VWA8: variants seen among roughly 807,000 people sequenced by gnomAD.
VWA8 encodes von Willebrand factor A domain-containing protein 8.
In VWA8, 221 loss-of-function variants were observed where a neutral mutation model predicts 241.5. The ratio of observed to expected loss-of-function variants is 0.91; its 90% CI spans 0.82 to 1.02. The LOEUF (loss-of-function observed/expected upper bound fraction) is 1.02. VWA8 is among the 50% of genes least tolerant of loss of function. The pLI, the probability that VWA8 is intolerant of heterozygous loss-of-function variation, is 0.00. For missense variants in VWA8, 2,322 were observed against 2,328.7 expected, an observed-to-expected ratio of 1.00 and a Z score of 0.06; for synonymous variants, 852 against 827.1, an observed-to-expected ratio of 1.03 and a Z score of -0.52.
intron 2 of VWA8, among the ~76,000 whole-genome samples, chr13:41,941,402 C>T (rs1020203526): frequency 1.1e-4 from 17 of 152,316 alleles, no homozygotes; most frequent in Non-Finnish European, 1.5e-5. Flanking sequence ...AATGACAATG[C>T]TTCACGTCTA....
chr13:41,941,392 A>C (rs1251539500), intron 2 of VWA8, among the ~76,000 whole-genome samples: 1 of 152,216 alleles, frequency 6.6e-6, no homozygotes, highest in Non-Finnish European at 1.5e-5. Flanking sequence ...GCTATCAGGC[A>C]ATGACAATGC....
chr13:41,729,687 C>G lies in VWA8; in HGVS notation c.2503-10G>C. ...ACTTTACTGCTTTAACCTTTGACGACAGAAAATTTATCATAAACAATTAAA... is the reference window on the plus strand; with the variant it reads ...ACTTTACTGCTTTAACCTTTGACGAGAGAAAATTTATCATAAACAATTAAA... On this transcript the variant is annotated splice_polypyrimidine_tract_variant and intron_variant, in intron 22 of 44. Transcript: ENST00000379310. 6.2e-7 allele frequency: 1 copy of G among 1,600,462 alleles called. No homozygotes were observed.
At position 41,675,282 on chromosome 13, in the gene VWA8, G is replaced by A. The variant is rs1421549226; in HGVS notation, c.4342C>T (p.Gln1448Ter). Residue 1448 changes from glutamine (Q) to a stop codon, truncating the protein, a stop_gained, in exon 36 of 45, where the codon CAA becomes TAA. Transcript: ENST00000379310. LOFTEE classifies it high-confidence loss of function. Reference protein sequence around the residue: ...DIYPKDVTPPQTSGYIEVTDL... With the variant: ...DIYPKDVTPP ...GTGACTTCTATATAACCAGATGTTT[G>A]TGGAGGAGTAACATCTACAAACAAG... is the stretch of plus-strand genomic sequence containing the variant. 6 of 1,612,346 alleles carry A rather than the reference G, an allele frequency of 3.7e-6. No homozygotes were observed. Among genetic ancestry groups the A allele is most frequent in the Non-Finnish European group, 5.1e-6 (6 of 1,178,856 alleles).
rs1014821430 is a variant in VWA8, at chr13:41,849,024, C to T, written c.1426-15493G>A. On this transcript the variant is annotated intron_variant, in intron 12 of 44. Transcript: ENST00000379310. ...TACTTCAACTCCACATTCCTGGAGG[C>T]ATGAGTTGAGCTCTGTAAAAGATTG... Among the ~76,000 whole-genome samples, 6 of 152,342 alleles carry T rather than the reference C, an allele frequency of 3.9e-5. No individual in the cohort carries two copies. In the East Asian group the frequency reaches 1.2e-3, roughly 29 times the overall value.
At chr13:41,679,600 C>G (rs2045083652) in intron 35 of VWA8, among the ~76,000 whole-genome samples, 1 of 151,948 alleles carries the variant, frequency 6.6e-6, no homozygotes, top group African/African-American at 2.4e-5. Context: ...TGGAAGAAAG[C>G]AATAAATTTC....
chr13:41,720,002 T>C (rs1382521244), intron 25 of VWA8, among the ~76,000 whole-genome samples: 1 of 152,014 alleles, frequency 6.6e-6, no homozygotes, highest in African/African-American at 2.4e-5. Context: ...GAGCAGTGCC[T>C]AGATCCTGGT....
Position 41,790,709 on chromosome 13 carries a change from G to A in VWA8, c.2064-3166C>T, listed in dbSNP as rs1008219335. On this transcript the variant is annotated intron_variant, in intron 17 of 44. Coordinates refer to ENST00000379310, the MANE Select transcript of VWA8 (RefSeq NM_015058.2). ...TCTAATTAATTTTTCTACAATAAAA[G>A]TATTTTTGGAATGCAAATTACTTGA... Among the ~76,000 whole-genome samples the A allele has an allele frequency of 2.0e-5, 3 of 151,910 alleles. No individual in the cohort carries two copies. The South Asian group carries it at 6.2e-4, about 31-fold the overall frequency.
At chr13:41,783,982 C>T in intron 18 of VWA8, 81 bp from the exon 19 acceptor site, 1 of 947,680 alleles carries the variant, frequency 1.1e-6, no homozygotes, top group Non-Finnish European at 1.7e-6. Context: ...GAATGCAATA[C>T]AGCTTCAGTA....
chr13:41,816,445 C>T lies in VWA8; in HGVS notation c.1947+253G>A, dbSNP rs141230764. Among the ~76,000 whole-genome samples the T allele has an allele frequency of 1.6e-3, 241 of 152,234 alleles. 1 individual carries two copies. The highest frequency in any genetic ancestry group is 5.3e-3 in the African/African-American group (221 of 41,534). On this transcript the variant is annotated intron_variant, in intron 16 of 44. Coordinates refer to ENST00000379310, the MANE Select transcript of VWA8 (RefSeq NM_015058.2). ...AGCATAGGAGACAGAGGGGACAGAG[C>T]AGAACCCCCATGAACATGAAGTACT...
chr13:41,659,891 C>G (rs1348250146), intron 37 of VWA8, among the ~76,000 whole-genome samples: 2 of 152,172 alleles, frequency 1.3e-5, no homozygotes, highest in Non-Finnish European at 2.9e-5. Flanking sequence ...GTTAAGCAAG[C>G]ATATGAAATG....
rs1566410866 is a variant in VWA8 at position 41,675,284 on chromosome 13, G to A, written c.4340C>T (p.Pro1447Leu). 1 of 1,611,282 alleles carries A rather than the reference G, an allele frequency of 6.2e-7. No individual in the cohort carries two copies. ...GACTTCTATATAACCAGATGTTTGT[G>A]GAGGAGTAACATCTACAAACAAGTC... ...KDIYPKDVTP[P>L]QTSGYIEVTD... The change falls in exon 36 of 45, where the codon CCA becomes CTA. Residue 1447 changes from proline (P) to leucine (L), a missense_variant. Transcript: ENST00000379310.
At chr13:41,588,098 G>A (rs563997151) in intron 41 of VWA8, among the ~76,000 whole-genome samples, 15 of 152,314 alleles carry the variant, frequency 9.8e-5, no homozygotes, top group East Asian at 9.6e-4. Context: ...TTACTTGTAC[G>A]TATTGGGTAG....
intron 37 of VWA8, among the ~76,000 whole-genome samples, chr13:41,641,360 A>C (rs887221369): frequency 6.6e-6 from 1 of 152,226 alleles, no homozygotes; most frequent in Non-Finnish European, 1.5e-5. Flanking sequence ...TAAAATATTA[A>C]TTTTATGACA....
chr13:41,808,970 C>A (rs928892838), intron 17 of VWA8, among the ~76,000 whole-genome samples: 6 of 151,244 alleles, frequency 4.0e-5, no homozygotes, highest in African/African-American at 1.5e-4. Flanking sequence ...CAAAAGTGAA[C>A]AATGTGAAAA....
In VWA8 at chr13:41,961,021, C is replaced by CG. The variant is rs775896167; in HGVS notation, c.-7dup. 64 of 1,241,660 alleles carry CG rather than the reference C, an allele frequency of 5.2e-5. No homozygotes were observed. In the Middle Eastern group the frequency reaches 1.3e-3, roughly 25 times the overall value. The allele number at this position is 1,241,660 out of a possible 1,614,324, so 76.9% of individuals were successfully genotyped here. ...AGTAGAAGCCGGGATTGCATGGCGC[C>CG]GGGGGGGCTGTCGGGGACGGCGAGG... On this transcript the variant is annotated 5_prime_UTR_variant, in exon 1 of 45. Transcript: ENST00000379310.
At chr13:41,787,679 C>G (rs750722139) in intron 17 of VWA8, 136 bp from the exon 18 acceptor site, 48 of 606,872 alleles carry the variant, frequency 7.9e-5, no homozygotes, top group Non-Finnish European at 1.4e-4. Context: ...CAGTCTGGAT[C>G]TGTAAAATCT....
At chr13:41,570,371 TCA>T in intron 44 of VWA8, 95 bp downstream of exon 44, 1 of 1,102,110 alleles carries the variant, frequency 9.1e-7, no homozygotes, top group Non-Finnish European at 1.3e-6. Context: ...TCCATCTGCC[TCA>T]CTGTCCCTCA....
At chr13:41,765,230 T>C (rs1400508198) in intron 20 of VWA8, among the ~76,000 whole-genome samples, 1 of 152,154 alleles carries the variant, frequency 6.6e-6, no homozygotes, top group Non-Finnish European at 1.5e-5. Flanking sequence ...TATGTTTACT[T>C]TGAAGTGTCT....
intron 2 of VWA8, among the ~76,000 whole-genome samples, chr13:41,920,767 T>A (rs1566039657): frequency 6.6e-6 from 1 of 152,024 alleles, no homozygotes. Flanking sequence ...AAAAGACCAA[T>A]AACAAGCTCT....
Sources: allele counts gnomAD v4.1 joint callset (sites outside exome capture counted in the v4.1 genomes callset), GRCh38; gene constraint gnomAD v4.1.1; transcripts MANE v1.5; gene names NCBI Gene and HGNC (gene_info 2026-07-23, HGNC 2026-07-21).